The following NAV2 variants were observed in gnomAD, a reference collection of about 807,000 sequenced individuals.
The protein encoded by NAV2 is helicase, APC down-regulated 1.
A neutral mutation model predicts 223.2 loss-of-function variants in NAV2; 54 were observed. The observed-to-expected ratio is 0.24, with a 90% CI of 0.19 to 0.30. NAV2 has a LOEUF of 0.30. Among genes scored for constraint, NAV2 ranks in the 10% least tolerant of loss-of-function variants. The pLI is 1.00. For missense variants in NAV2, 2,806 were observed against 3,147.5 expected (o/e 0.89, Z 2.60); for synonymous variants, 1,279 against 1,239.3 (o/e 1.03, Z -0.67).
chr11:19,999,210 G>T (rs900233156), intron 11 of NAV2, among the ~76,000 whole-genome samples: 10 of 152,208 alleles, frequency 6.6e-5, no homozygotes, highest in Admixed American at 6.5e-5. Context: ...CAACCCTGCT[G>T]TTGTGGCACA....
intron 1 of NAV2, among the ~76,000 whole-genome samples, chr11:19,611,348 C>T (rs920980656): frequency 1.3e-5 from 2 of 152,072 alleles, no homozygotes; most frequent in African/African-American, 4.8e-5. Context: ...ATCTCATGTC[C>T]TCACATTTCA....
intron 1 of NAV2, among the ~76,000 whole-genome samples, chr11:19,483,040 A>G (rs1470494948): frequency 6.6e-6 from 1 of 152,154 alleles, no homozygotes; most frequent in Admixed American, 6.5e-5. Context: ...ACCAATTTCC[A>G]TTTATTGAGC....
chr11:19,444,712 TTTATTA>T (rs35440777), intron 1 of NAV2, among the ~76,000 whole-genome samples: 1 of 149,812 alleles, frequency 6.7e-6, no homozygotes, highest in Non-Finnish European at 1.5e-5. Flanking sequence ...CTGTTGTTCC[TTTATTA>T]TTATTATTAC....
At chr11:19,860,952 G>C (rs1269850051) in intron 3 of NAV2, among the ~76,000 whole-genome samples, 1 of 151,090 alleles carries the variant, frequency 6.6e-6, no homozygotes, top group Non-Finnish European at 1.5e-5. Flanking sequence ...AATCAGGCAG[G>C]GAGGTTGCAG....
At chr11:20,067,644 A>ATTTTTT (rs11371990) in intron 20 of NAV2, among the ~76,000 whole-genome samples, 6 of 129,262 alleles carry the variant, frequency 4.6e-5, no homozygotes, top group Non-Finnish European at 6.5e-5. Flanking sequence ...CACCCGGCTA[A>ATTTTTT]TTTTTTTTTT....
At chr11:19,960,677 A>C (rs912125307) in intron 10 of NAV2, among the ~76,000 whole-genome samples, 4 of 151,772 alleles carry the variant, frequency 2.6e-5, no homozygotes, top group Non-Finnish European at 5.9e-5. Flanking sequence ...GCAGTGGCAC[A>C]ATCTCAGCTC....
In NAV2 at chr11:19,658,197, C is replaced by T. The variant is rs115787715; in HGVS notation, c.76-174287C>T. ...CCATTTCACAACTTAAGAAACTAAG[C>T]GCAGAGAGGTTGAGTAACCTGCCTA... On this transcript the variant is annotated intron_variant, in intron 1 of 37. Transcript: ENST00000360655. Among the ~76,000 whole-genome samples the T allele has an allele frequency of 1.9e-3, 291 of 152,190 alleles. 1 individual carries two copies. Among genetic ancestry groups the T allele is most frequent in the African/African-American group, 6.7e-3 (279 of 41,528 alleles).
At chr11:19,534,793 C>T (rs751658547) in intron 1 of NAV2, among the ~76,000 whole-genome samples, 1 of 152,158 alleles carries the variant, frequency 6.6e-6, no homozygotes, top group Non-Finnish European at 1.5e-5. Context: ...TAACCTATAG[C>T]AAACAGGACC....
At chr11:20,067,109 G>A (rs1591953821) in intron 20 of NAV2, among the ~76,000 whole-genome samples, 1 of 152,330 alleles carries the variant, frequency 6.6e-6, no homozygotes, top group South Asian at 2.1e-4. Flanking sequence ...AGGGAAGCCA[G>A]TAAGAGGGGC....
intron 1 of NAV2, among the ~76,000 whole-genome samples, chr11:19,457,304 T>A (rs1187613093): frequency 6.6e-6 from 1 of 152,184 alleles, no homozygotes; most frequent in Non-Finnish European, 1.5e-5. Context: ...TAATTCACAT[T>A]GGGTGGTCAG....
intron 10 of NAV2, among the ~76,000 whole-genome samples, chr11:19,951,027 A>G (rs2047353905): frequency 6.6e-6 from 1 of 152,236 alleles, no homozygotes; most frequent in African/African-American, 2.4e-5. Context: ...TCTACAATCA[A>G]ACAAGGTGGG....
intron 1 of NAV2, among the ~76,000 whole-genome samples, chr11:19,794,403 T>C (rs1004292509): frequency 6.6e-6 from 1 of 152,194 alleles, no homozygotes; most frequent in Non-Finnish European, 1.5e-5. Flanking sequence ...TTCCAGTCTC[T>C]TACATCTTTA....
At chr11:19,657,691 C>T (rs1462298994) in intron 1 of NAV2, among the ~76,000 whole-genome samples, 2 of 152,126 alleles carry the variant, frequency 1.3e-5, no homozygotes, top group Non-Finnish European at 2.9e-5. Flanking sequence ...TAATGTCCCT[C>T]ACCCTCCAAA....
chr11:19,553,119 T>A (rs187244165), intron 1 of NAV2, among the ~76,000 whole-genome samples: 1 of 152,196 alleles, frequency 6.6e-6, no homozygotes, highest in African/African-American at 2.4e-5. Flanking sequence ...GGCATTCCTG[T>A]TCCCTTGCAA....
intron 1 of NAV2, chr11:19,777,525 T>C (rs1359758152): frequency 2.2e-6 from 1 of 452,214 alleles, no homozygotes; most frequent in Non-Finnish European, 4.4e-6. Context: ...CTGGTAAGGG[T>C]GGATTGCAGA....
At position 19,933,356 on chromosome 11, in the gene NAV2, T is replaced by C; in HGVS notation, c.1112T>C (p.Val371Ala). ...CTCAGCGTGAAGCACAGTGCCACGG[T>C]ATCCATGCTCTCGGTCAAGCCTCCT... ...KSLSVKHSATVSMLSVKPPGP... is the reference protein window; with the variant it reads ...KSLSVKHSATASMLSVKPPGP... The change falls in exon 7 of 38, where the codon GTA (valine) becomes GCA (alanine). Residue 371 changes from valine to alanine, a missense_variant. Around this residue, in one of 4 missense-constraint regions of NAV2, gnomAD observed 1,167 missense variants for 1,180.5 expected, o/e 0.99. Transcript: ENST00000349880. This position sits in a 1 kb window ranked among gnomAD's most constrained non-coding sequence, Gnocchi z 4.3. 2 of 1,601,980 alleles carry C rather than the reference T, an allele frequency of 1.2e-6. No homozygotes were observed. The highest frequency in any genetic ancestry group is 1.7e-6 in the Non-Finnish European group (2 of 1,173,392).
intron 6 of NAV2, among the ~76,000 whole-genome samples, chr11:19,907,531 A>AGGGG (rs920662509): frequency 9.4e-5 from 3 of 31,876 alleles, no homozygotes. Flanking sequence ...TCATAGGGGG[A>AGGGG]GGGGGAATTT....
At chr11:19,420,398 A>G (rs760356515) in intron 1 of NAV2, among the ~76,000 whole-genome samples, 2 of 152,242 alleles carry the variant, frequency 1.3e-5, no homozygotes, top group African/African-American at 2.4e-5. Flanking sequence ...ACATGTCTGT[A>G]TACTATGACT....
At chr11:19,744,756 T>C (rs1390924600) in intron 1 of NAV2, among the ~76,000 whole-genome samples, 2 of 152,220 alleles carry the variant, frequency 1.3e-5, no homozygotes, top group Non-Finnish European at 2.9e-5. Flanking sequence ...AGTTGGAATT[T>C]CACCATCCTC....
Sources: gnomAD v4.1 joint callset for allele counts (sites outside exome capture counted in the v4.1 genomes callset) on GRCh38, gnomAD v4.1.1 for gene constraint, gnomAD v4.1.1 regional missense constraint, Gnocchi (gnomAD v3.1) non-coding constraint, MANE v1.5 for transcripts, NCBI Gene and HGNC (gene_info 2026-07-23, HGNC 2026-07-21) for gene names.